The following CLSPN variants were observed in gnomAD, a reference collection of about 807,000 sequenced individuals.
The protein encoded by CLSPN is claspin homolog.
In CLSPN, 85 loss-of-function variants were observed where a neutral mutation model predicts 156.3. That is an observed-to-expected ratio of 0.54 (90% CI 0.46 to 0.65). The LOEUF is 0.65. Among genes scored for constraint, CLSPN ranks in the 30% least tolerant of loss-of-function variants. The pLI is 0.00. For synonymous variants in CLSPN, 534 were observed against 542.4 expected (o/e 0.98, Z 0.22); for missense variants, 1,407 against 1,554.9 (o/e 0.90, Z 1.60).
intron 8 of CLSPN, among the ~76,000 whole-genome samples, chr1:35,760,112 G>A (rs1642422848): frequency 6.6e-6 from 1 of 152,156 alleles, no homozygotes; most frequent in East Asian, 1.9e-4. Context: ...GATTACAGGC[G>A]TAAGCCACCG....
At chr1:35,764,150 A>G (rs1642585908) in intron 3 of CLSPN, 116 bp downstream of exon 3, 1 of 681,638 alleles carries the variant, frequency 1.5e-6, no homozygotes, top group East Asian at 2.7e-5. Flanking sequence ...TTCTCAACAC[A>G]AAATAGTCAA....
chr1:35,755,625 T>C (rs1391999147), intron 8 of CLSPN, among the ~76,000 whole-genome samples: 2 of 152,104 alleles, frequency 1.3e-5, no homozygotes, highest in African/African-American at 4.8e-5. Flanking sequence ...CAGGCTGGTC[T>C]TGAACTCCTG....
At chr1:35,726,486 G>A (rs906200840) in intron 24 of CLSPN, among the ~76,000 whole-genome samples, 1 of 152,120 alleles carries the variant, frequency 6.6e-6, no homozygotes, top group African/African-American at 2.4e-5. Context: ...GGTGGTGGTG[G>A]GGGTGCGGTT....
At chr1:35,762,673 C>G (rs189028385) in intron 4 of CLSPN, among the ~76,000 whole-genome samples, 192 bp from the exon 5 acceptor site, 70 of 152,112 alleles carry the variant, frequency 4.6e-4, no homozygotes, top group African/African-American at 1.6e-3. Flanking sequence ...GAGTCTGGAC[C>G]CTTATTTCTT....
At chr1:35,750,594 T>C (rs1231394748) in intron 10 of CLSPN, among the ~76,000 whole-genome samples, 3 of 152,006 alleles carry the variant, frequency 2.0e-5, no homozygotes, top group South Asian at 2.1e-4. Flanking sequence ...ATTTTCACGA[T>C]GTTGGCTAGG....
intron 16 of CLSPN, among the ~76,000 whole-genome samples, chr1:35,744,110 T>G (rs1641791708): frequency 6.6e-6 from 1 of 152,204 alleles, no homozygotes; most frequent in Non-Finnish European, 1.5e-5. Context: ...CTTGCAAAAC[T>G]AAAACTCTAT....
intron 9 of CLSPN, 39 bp from the exon 10 acceptor site, chr1:35,751,545 A>G: frequency 6.3e-7 from 1 of 1,575,684 alleles, no homozygotes; most frequent in Non-Finnish European, 8.6e-7. Flanking sequence ...GACATAATAC[A>G]ATAATTAGGT....
In CLSPN at chr1:35,738,029, C is replaced by T; in HGVS notation, c.3627G>A (p.Leu1209=). The T allele has an allele frequency of 1.3e-6, 2 of 1,489,648 alleles. No homozygotes were observed. Among genetic ancestry groups the T allele is most frequent in the African/African-American group, 1.4e-5 (1 of 71,076 alleles). The allele number at this position is 1,489,648 out of a possible 1,614,324, so 92.3% of individuals were successfully genotyped here. A position where few individuals can be genotyped will look rare whatever the true frequency, so the allele number is the denominator to read the frequency against. ...EIGEDSQFMI[L]AKKVTAKALQ... is the part of the protein sequence containing the mutation. ...GTGCTTTGGCTGTAACTTTCTTGGC[C>T]AGTATCATAAACTGACTGTCCTCCC... Residue 1209 remains leucine (L), a synonymous_variant, in exon 22 of 25, where the codon CTG becomes CTA. Transcript: ENST00000318121.
chr1:35,763,803 T>G (rs1014134621), intron 3 of CLSPN, among the ~76,000 whole-genome samples: 12 of 151,756 alleles, frequency 7.9e-5, no homozygotes, highest in Admixed American at 1.3e-4. Flanking sequence ...TTTTGTTTTT[T>G]TTTTTTTTGA....
chr1:35,734,690 A>AAT lies in CLSPN; in HGVS notation c.*1805_*1806insAT. On this transcript the variant is annotated 3_prime_UTR_variant, in exon 25 of 25. Coordinates refer to ENST00000318121, the MANE Select transcript of CLSPN (RefSeq NM_022111.4). ...CAGCCTATGTCTCAAAAAAAAAAAA[A>AAT]GAAAAGAAAAGAAAAGAAAAAGAAA... 1 of 473,598 alleles carries AAT rather than the reference A, an allele frequency of 2.1e-6. No individual in the cohort carries two copies. The highest frequency in any genetic ancestry group is 2.7e-6 in the Non-Finnish European group (1 of 374,182). The allele number at this position is 473,598 out of a possible 1,614,324, so 29.3% of individuals were successfully genotyped here. A position where few individuals can be genotyped will look rare whatever the true frequency, so the allele number is the denominator to read the frequency against.
chr1:35,735,948 A>T lies in CLSPN; in HGVS notation c.*548T>A. The stretch of plus-strand genomic sequence containing the variant: ...TGAAACCTAACCCAAGGCCAGGTGC[A>T]GTGACTCATGCATGTGACCAGCACT... On this transcript the variant is annotated 3_prime_UTR_variant, in exon 25 of 25. Transcript: ENST00000318121. 6.1e-6 allele frequency: 6 copies of T among 985,142 alleles called. No homozygotes were observed. The highest frequency in any genetic ancestry group is 6.0e-6 in the Non-Finnish European group (5 of 829,778). 61.0% of individuals were successfully genotyped at this position (985,142 alleles called of 1,614,324 possible).
Position 35,735,856 on chromosome 1 carries a change from T to C in CLSPN, c.*640A>G. ...ACTCTTCCTCTTCCAACCACTTCTA[T>C]CAATCACAAAGAGATATTAACCCAG... On this transcript the variant is annotated 3_prime_UTR_variant, in exon 25 of 25. Transcript: ENST00000318121. 3.0e-6 allele frequency: 3 copies of C among 985,362 alleles called. No individual in the cohort carries two copies. The highest frequency in any genetic ancestry group is 3.6e-6 in the Non-Finnish European group (3 of 829,918). 61.0% of individuals were successfully genotyped at this position (985,362 alleles called of 1,614,324 possible).
chr1:35,735,637 G>A lies in CLSPN; in HGVS notation c.*859C>T, dbSNP rs533364241. ...ACAGGAGAATCACTTGAACCCGGGA[G>A]GCAGAGGTTGCCGTGAGCCGAGATT... is the stretch of plus-strand genomic sequence containing the variant. On this transcript the variant is annotated 3_prime_UTR_variant, in exon 25 of 25. Transcript: ENST00000318121. The A allele has an allele frequency of 2.6e-6, 2 of 773,262 alleles. No individual in the cohort carries two copies. Among genetic ancestry groups the A allele is most frequent in the South Asian group, 1.2e-4 (2 of 16,902 alleles). The allele number at this position is 773,262 out of a possible 1,614,324, so 47.9% of individuals were successfully genotyped here. A position where few individuals can be genotyped will look rare whatever the true frequency, so the allele number is the denominator to read the frequency against.
intron 1 of CLSPN, among the ~76,000 whole-genome samples, chr1:35,768,555 G>A (rs1642753078): frequency 6.6e-6 from 1 of 151,602 alleles, no homozygotes; most frequent in Non-Finnish European, 1.5e-5. Context: ...CCGAGTAGCT[G>A]GGACCACAGG....
Position 35,736,502 on chromosome 1 carries a change from C to T in CLSPN, c.4014G>A (p.Glu1338=). ...GLTRSIFKYL[E]S is the part of the protein sequence containing the mutation. ...TTTGGCACCTTTGATGGTGTTAGCT[C>T]TCCAAATATTTGAAGATGCTTCGCG... The change falls in exon 25 of 25, where the codon GAG becomes GAA. Residue 1338 remains glutamate (E), a synonymous_variant. Transcript: ENST00000318121. 1 of 1,599,892 alleles carries T rather than the reference C, an allele frequency of 6.3e-7. No individual in the cohort carries two copies. The highest frequency in any genetic ancestry group is 2.3e-5 in the East Asian group (1 of 44,298).
intron 16 of CLSPN, among the ~76,000 whole-genome samples, chr1:35,744,803 G>A (rs1641819336): frequency 6.6e-6 from 1 of 152,018 alleles, no homozygotes; most frequent in Non-Finnish European, 1.5e-5. Flanking sequence ...TGGATCATAT[G>A]GTCATTCTAT....
chr1:35,761,689 A>T (rs564559494), intron 6 of CLSPN, among the ~76,000 whole-genome samples: 1 of 152,302 alleles, frequency 6.6e-6, no homozygotes, highest in South Asian at 2.1e-4. Flanking sequence ...ACCATGGCTG[A>T]CACAGGTAAC....
chr1:35,755,881 T>C (rs915644802), intron 8 of CLSPN, among the ~76,000 whole-genome samples: 2 of 152,146 alleles, frequency 1.3e-5, no homozygotes, highest in African/African-American at 4.8e-5. Flanking sequence ...GCTTTGTTAT[T>C]TTTTGTAAAG....
intron 18 of CLSPN, among the ~76,000 whole-genome samples, chr1:35,740,712 C>T (rs1641661448): frequency 6.6e-6 from 1 of 152,176 alleles, no homozygotes; most frequent in Non-Finnish European, 1.5e-5. Flanking sequence ...AGCCACCACG[C>T]CCAGCCTATA....
Sources: allele counts gnomAD v4.1 joint callset (sites outside exome capture counted in the v4.1 genomes callset), GRCh38; gene constraint gnomAD v4.1.1; transcripts MANE v1.5; gene names NCBI Gene and HGNC (gene_info 2026-07-23, HGNC 2026-07-21).